The following KIDINS220 variants were observed in gnomAD, a reference collection of about 807,000 sequenced individuals.
KIDINS220 encodes the protein kinase D interacting substrate 220, also known as kinase D-interacting substrate of 220 kDa.
In KIDINS220, 63 loss-of-function variants were observed where a neutral mutation model predicts 157.6. That is an observed-to-expected ratio of 0.40 (90% CI 0.33 to 0.49). The LOEUF is 0.49. Ranked by LOEUF, KIDINS220 falls within the 20% of genes least tolerant of loss-of-function variation. The probability of loss-of-function intolerance (pLI) is 0.66; values close to 1 mark genes in which losing one functional copy is unlikely to be tolerated. For synonymous variants in KIDINS220, 732 were observed against 783.6 expected, an observed-to-expected ratio of 0.93 and a Z score of 1.10; for missense variants, 1,772 against 2,171.2, an observed-to-expected ratio of 0.82 and a Z score of 3.65.
chr2:8,732,944 T>A (rs1488903937), intron 29 of KIDINS220, among the ~76,000 whole-genome samples: 2 of 152,158 alleles, frequency 1.3e-5, no homozygotes, highest in Admixed American at 6.5e-5. Flanking sequence ...GGCCTCCTTC[T>A]TCTAAGAATC....
chr2:8,782,871 T>C (rs1167181318), intron 17 of KIDINS220, among the ~76,000 whole-genome samples: 2 of 152,106 alleles, frequency 1.3e-5, no homozygotes, highest in Non-Finnish European at 2.9e-5. Context: ...CGGTTCCACA[T>C]TCAAAAATCA....
At chr2:8,814,333 AG>A (rs1676748685) in intron 4 of KIDINS220, among the ~76,000 whole-genome samples, 1 of 152,350 alleles carries the variant, frequency 6.6e-6, no homozygotes, top group African/African-American at 2.4e-5. Context: ...CCAGCCTGAA[AG>A]AGCTTCTAAT....
rs142571925 is a variant in KIDINS220, at chr2:8,730,657, T to C, written c.*63A>G. 604 of 1,539,610 alleles carry C rather than the reference T, an allele frequency of 3.9e-4. 4 individuals carry two copies. The East Asian group carries it at 0.012, about 32-fold the overall frequency. On this transcript the variant is annotated 3_prime_UTR_variant, in exon 30 of 30. Coordinates refer to ENST00000256707, the MANE Select transcript of KIDINS220 (RefSeq NM_020738.4). The stretch of plus-strand genomic sequence containing the variant: ...AGAAAGGTGATGGGCGTGGATGGAG[T>C]CAAAATCCAGGACAATTCTGTCATA...
At chr2:8,809,616 G>T (rs1676000449) in intron 6 of KIDINS220, among the ~76,000 whole-genome samples, 1 of 150,828 alleles carries the variant, frequency 6.6e-6, no homozygotes, top group African/African-American at 2.4e-5. Flanking sequence ...ATCACCTCTA[G>T]GCAAGCCCTG....
intron 21 of KIDINS220, among the ~76,000 whole-genome samples, chr2:8,774,121 C>A (rs1254035623): frequency 1.3e-5 from 2 of 151,424 alleles, no homozygotes; most frequent in Non-Finnish European, 2.9e-5. Flanking sequence ...AATGGAGAAA[C>A]CCCATCTCTA....
Position 8,738,740 on chromosome 2 carries a change from T to C in KIDINS220, c.3586-1741A>G, listed in dbSNP as rs533779709. The stretch of plus-strand genomic sequence containing the variant: ...TAAAACAGACTAAGGAGAAATAAAA[T>C]GCAACTGAATTGAATCCTGGACCAG... On this transcript the variant is annotated intron_variant, in intron 26 of 29. Coordinates refer to ENST00000256707, the MANE Select transcript of KIDINS220 (RefSeq NM_020738.4). Among the ~76,000 whole-genome samples the C allele has an allele frequency of 1.8e-4, 27 of 152,242 alleles. 1 individual carries two copies. The highest frequency in any genetic ancestry group is 6.3e-4 in the African/African-American group (26 of 41,540).
At chr2:8,751,690 G>C in intron 22 of KIDINS220, 46 bp from the exon 23 acceptor site, 1 of 1,353,208 alleles carries the variant, frequency 7.4e-7, no homozygotes, top group East Asian at 2.3e-5. Context: ...GTCACTATTA[G>C]AAAGGTAAAT....
chr2:8,746,294 T>G (rs1666556192), intron 26 of KIDINS220, among the ~76,000 whole-genome samples: 1 of 151,710 alleles, frequency 6.6e-6, no homozygotes, highest in Non-Finnish European at 1.5e-5. Flanking sequence ...TTAGTAGAGA[T>G]AGGGTTTCAC....
rs760510804 is a variant in KIDINS220, at chr2:8,730,787, G to A, written c.5249C>T (p.Pro1750Leu). 21 of 1,614,074 alleles carry A rather than the reference G, an allele frequency of 1.3e-5. No homozygotes were observed. The highest frequency in any genetic ancestry group is 6.7e-5 in the East Asian group (3 of 44,890). The change falls in exon 30 of 30, where the codon CCG becomes CTG. Residue 1750 changes from proline (P) to leucine (L), a missense_variant. Pro to Leu is a moderately conservative substitution (Grantham distance 98, BLOSUM62 -3). This residue lies in a region of KIDINS220 where 793 missense variants were observed against 885.5 expected (regional missense o/e 0.90). Transcript: ENST00000256707. ...SSYTRLSKDP[P>L]ELHAAASSES... ...AGAAGAGGCTGCTGCATGGAGCTCC[G>A]GAGGATCTTTGGAGAGCCTTGTGTA...
At chr2:8,771,566 T>C (rs1670237061) in intron 21 of KIDINS220, among the ~76,000 whole-genome samples, 2 of 152,308 alleles carry the variant, frequency 1.3e-5, no homozygotes, top group South Asian at 2.1e-4. Flanking sequence ...TGTTGTTAAA[T>C]TTTCAAACAT....
Position 8,729,364 on chromosome 2 carries a change from A to G in KIDINS220, c.*1356T>C. ...GAAAATGTAACACTGAATCTAGATAATAGCGCATCTGCGATCTCACCATCT... is the reference window on the plus strand; with the variant it reads ...GAAAATGTAACACTGAATCTAGATAGTAGCGCATCTGCGATCTCACCATCT... On this transcript the variant is annotated 3_prime_UTR_variant, in exon 30 of 30. Coordinates refer to ENST00000256707, the MANE Select transcript of KIDINS220 (RefSeq NM_020738.4). The G allele has an allele frequency of 1.0e-6, 1 of 985,500 alleles. No individual in the cohort carries two copies. The highest frequency in any genetic ancestry group is 1.2e-6 in the Non-Finnish European group (1 of 829,946). The allele number at this position is 985,500 out of a possible 1,614,324, so 61.0% of individuals were successfully genotyped here.
chr2:8,776,609 A>G, intron 21 of KIDINS220, 139 bp downstream of exon 21: 1 of 564,346 alleles, frequency 1.8e-6, no homozygotes, highest in Admixed American at 4.2e-5. Context: ...GACTTCACTA[A>G]GTGCACTTAA....
intron 26 of KIDINS220, among the ~76,000 whole-genome samples, chr2:8,744,387 AAATATATATATATAATAT>A (rs1666190371): frequency 1.8e-4 from 5 of 27,748 alleles, no homozygotes; most frequent in African/African-American, 3.6e-4. Flanking sequence ...AAAAAAAAAA[AAATATATATATATAATAT>A]ATATATATAT....
chr2:8,747,191 T>C lies in KIDINS220; in HGVS notation c.3539A>G (p.Lys1180Arg). The change falls in exon 26 of 30, where the codon AAG becomes AGG. Residue 1180 changes from lysine to arginine, a missense_variant. Lys to Arg is a conservative substitution (Grantham distance 26). This residue lies in a region of KIDINS220 where 793 missense variants were observed against 885.5 expected (regional missense o/e 0.90). Transcript: ENST00000256707. The stretch of plus-strand genomic sequence containing the variant: ...AGAAAGCCCCTCAGCAGCATCCTCC[T>C]TGATAACTTCCTAACAACACAAAAC... ...RDQNNGLEVIKEDAAEGLSSP... is the reference protein window; with the variant it reads ...RDQNNGLEVIREDAAEGLSSP... 1 of 1,614,096 alleles carries C rather than the reference T, an allele frequency of 6.2e-7. No homozygotes were observed. Among genetic ancestry groups the C allele is most frequent in the Non-Finnish European group, 8.5e-7 (1 of 1,179,990 alleles).
intron 17 of KIDINS220, among the ~76,000 whole-genome samples, chr2:8,782,407 A>G (rs1671839298): frequency 6.6e-6 from 1 of 152,206 alleles, no homozygotes. Context: ...TAATAAAGGG[A>G]TACTACAAAC....
intron 26 of KIDINS220, among the ~76,000 whole-genome samples, chr2:8,740,704 T>C (rs1398944007): frequency 6.6e-6 from 1 of 152,182 alleles, no homozygotes; most frequent in Non-Finnish European, 1.5e-5. Context: ...TACCATTTCA[T>C]AAGAATGGCC....
intron 22 of KIDINS220, among the ~76,000 whole-genome samples, chr2:8,769,135 C>A (rs1159954419): frequency 6.6e-6 from 1 of 152,164 alleles, no homozygotes; most frequent in East Asian, 1.9e-4. Context: ...CTCATTCTAT[C>A]CCCACCTAAC....
At chr2:8,817,539 T>C (rs1677244549) in intron 4 of KIDINS220, 79 bp downstream of exon 4, 12 of 826,750 alleles carry the variant, frequency 1.5e-5, no homozygotes, top group Non-Finnish European at 2.0e-5. Context: ...ATTTCACACA[T>C]AAAAATAAAA....
At position 8,827,058 on chromosome 2, in the gene KIDINS220, A is replaced by G; in HGVS notation, c.36T>C (p.Tyr12=). ...GAGCAGGAATGTTTTCTTCCTCTAC[A>G]TAATTTATGACGCTCTGTGATATCA... ...SVLISQSVIN[Y]VEEENIPALK... The change falls in exon 2 of 30, where the codon TAT becomes TAC. Residue 12 remains tyrosine, a synonymous_variant. Coordinates refer to ENST00000256707, the MANE Select transcript of KIDINS220 (RefSeq NM_020738.4). The G allele has an allele frequency of 5.6e-6, 9 of 1,609,062 alleles. No homozygotes were observed. Among genetic ancestry groups the G allele is most frequent in the South Asian group, 1.1e-5 (1 of 90,552 alleles).
Sources: gnomAD v4.1 joint callset for allele counts (sites outside exome capture counted in the v4.1 genomes callset) on GRCh38, gnomAD v4.1.1 for gene constraint, gnomAD v4.1.1 regional missense constraint, MANE v1.5 for transcripts, NCBI Gene and HGNC (gene_info 2026-07-23, HGNC 2026-07-21) for gene names.